ANKRD31: variants seen among roughly 807,000 people sequenced by gnomAD.
The protein encoded by ANKRD31 is ankyrin repeat domain 31, also known as ankyrin repeat domain-containing protein 31.
A neutral mutation model predicts 186.0 loss-of-function variants in ANKRD31; 147 were observed. That is an observed-to-expected ratio of 0.79 (90% CI 0.69 to 0.91). The LOEUF is 0.91. Among genes scored for constraint, ANKRD31 ranks in the 40% least tolerant of loss-of-function variants. The pLI, the probability that ANKRD31 is intolerant of heterozygous loss-of-function variation, is 0.00. For synonymous variants in ANKRD31, 673 were observed against 736.4 expected (o/e 0.91, Z 1.39); for missense variants, 1,986 against 2,148.8 (o/e 0.92, Z 1.50).
At chr5:75,095,459 G>A (rs1013574008) in intron 22 of ANKRD31, among the ~76,000 whole-genome samples, 10 of 145,460 alleles carry the variant, frequency 6.9e-5, no homozygotes, top group African/African-American at 2.7e-4. Context: ...GGGCCACAGA[G>A]CGAGACTCCG....
At chr5:75,189,015 T>A (rs941003972) in intron 9 of ANKRD31, among the ~76,000 whole-genome samples, 1 of 152,114 alleles carries the variant, frequency 6.6e-6, no homozygotes, top group African/African-American at 2.4e-5. Context: ...TAGAATAATA[T>A]ATTATCAAAT....
At chr5:75,140,338 G>A (rs1005437011) in intron 15 of ANKRD31, among the ~76,000 whole-genome samples, 1 of 146,130 alleles carries the variant, frequency 6.8e-6, no homozygotes, top group Non-Finnish European at 1.5e-5. Flanking sequence ...AGGTAGGAAG[G>A]AAGGAAGGAA....
intron 12 of ANKRD31, 144 bp from the exon 13 acceptor site, chr5:75,148,772 C>T (rs939806500): frequency 9.2e-6 from 5 of 542,276 alleles, no homozygotes; most frequent in African/African-American, 3.9e-5. Flanking sequence ...TTGGCACATA[C>T]AACATTCCTA....
intron 2 of ANKRD31, among the ~76,000 whole-genome samples, chr5:75,226,100 G>A (rs1036163870): frequency 6.6e-6 from 1 of 152,210 alleles, no homozygotes; most frequent in Non-Finnish European, 1.5e-5. Flanking sequence ...GGAACGGTGG[G>A]AAGGACTGTG....
rs547580098 is a variant in ANKRD31, at chr5:75,156,149, C to T, written c.1708-1804G>A. On this transcript the variant is annotated intron_variant, in intron 11 of 25. Transcript: ENST00000506364. ...TGAACTTCTAACCTCAAGAGATCCACTCACCTCGGCCTCCCAAAGTGTTGA... is the reference window on the plus strand; with the variant it reads ...TGAACTTCTAACCTCAAGAGATCCATTCACCTCGGCCTCCCAAAGTGTTGA... Among the ~76,000 whole-genome samples, 90 of 152,280 alleles carry T rather than the reference C, an allele frequency of 5.9e-4. 1 individual carries two copies. The highest frequency in any genetic ancestry group is 2.1e-3 in the African/African-American group (86 of 41,556).
At chr5:75,194,456 T>C (rs1755322709) in intron 7 of ANKRD31, among the ~76,000 whole-genome samples, 2 of 152,146 alleles carry the variant, frequency 1.3e-5, no homozygotes, top group African/African-American at 2.4e-5. Flanking sequence ...AAAAATCCTA[T>C]GTCAGTTTTG....
intron 11 of ANKRD31, among the ~76,000 whole-genome samples, chr5:75,167,095 C>T (rs748788826): frequency 3.3e-5 from 5 of 152,092 alleles, no homozygotes; most frequent in Non-Finnish European, 7.4e-5. Flanking sequence ...TCCCCACCCT[C>T]TAGACCCCCC....
intron 9 of ANKRD31, among the ~76,000 whole-genome samples, chr5:75,192,159 C>T (rs1755158501): frequency 6.6e-6 from 1 of 152,056 alleles, no homozygotes; most frequent in Non-Finnish European, 1.5e-5. Flanking sequence ...GAAAACTTAC[C>T]TCTGATACAA....
intron 22 of ANKRD31, among the ~76,000 whole-genome samples, chr5:75,096,811 C>A (rs910062010): frequency 6.7e-6 from 1 of 148,732 alleles, no homozygotes; most frequent in African/African-American, 2.5e-5. Context: ...TATCCCTTCC[C>A]CCACCCCCAC....
At chr5:75,145,902 G>C in intron 14 of ANKRD31, 85 bp downstream of exon 14, 1 of 1,211,936 alleles carries the variant, frequency 8.3e-7, no homozygotes, top group Non-Finnish European at 1.1e-6. Flanking sequence ...TTTGGCCATC[G>C]TTTGAATACA....
chr5:75,218,057 C>T (rs1757068922), intron 3 of ANKRD31, among the ~76,000 whole-genome samples: 2 of 151,986 alleles, frequency 1.3e-5, no homozygotes, highest in Admixed American at 1.3e-4. Flanking sequence ...AGTAAAGCAA[C>T]CTCAAAGCTG....
intron 17 of ANKRD31, among the ~76,000 whole-genome samples, chr5:75,134,460 C>A (rs1442068858): frequency 6.6e-6 from 1 of 152,042 alleles, no homozygotes; most frequent in Non-Finnish European, 1.5e-5. Context: ...CAAGACTAAA[C>A]CAGGAAGAAG....
chr5:75,112,166 C>T (rs10058171), intron 20 of ANKRD31, among the ~76,000 whole-genome samples: 22,321 of 152,036 alleles, frequency 0.15, 1,733 homozygotes, highest in Non-Finnish European at 0.16. Flanking sequence ...TCTTGGCTCA[C>T]TGTAAGCTCC....
At position 75,159,237 on chromosome 5, in the gene ANKRD31, T is replaced by C. The variant is rs114685403; in HGVS notation, c.1708-4892A>G. The stretch of plus-strand genomic sequence containing the variant: ...AAATGAATAGAACATCAGAGAAATA[T>C]AGGGCACCATTAAGCACAACAACAT... On this transcript the variant is annotated intron_variant, in intron 11 of 25. Coordinates refer to ENST00000506364, the MANE Select transcript of ANKRD31 (RefSeq NM_001372053.1). Among the ~76,000 whole-genome samples, 802 of 152,098 alleles carry C rather than the reference T, an allele frequency of 5.3e-3. 9 individuals carry two copies. The highest frequency in any genetic ancestry group is 0.018 in the African/African-American group (766 of 41,524).
intron 10 of ANKRD31, among the ~76,000 whole-genome samples, chr5:75,171,993 C>T (rs1052266612): frequency 2.6e-5 from 4 of 151,778 alleles, no homozygotes; most frequent in African/African-American, 7.3e-5. Context: ...AATTATAAAT[C>T]TATAAAGATA....
At chr5:75,152,836 T>C (rs1219920855) in intron 12 of ANKRD31, among the ~76,000 whole-genome samples, 1 of 151,934 alleles carries the variant, frequency 6.6e-6, no homozygotes, top group Admixed American at 6.6e-5. Context: ...TTAGAGGGAA[T>C]AGAGTGAGTA....
chr5:75,225,224 T>C (rs1396134929), intron 2 of ANKRD31, among the ~76,000 whole-genome samples: 1 of 152,222 alleles, frequency 6.6e-6, no homozygotes, highest in East Asian at 1.9e-4. Context: ...AATATTTTCA[T>C]ATTTTGTAAT....
intron 3 of ANKRD31, among the ~76,000 whole-genome samples, chr5:75,217,028 T>C (rs746271606): frequency 7.9e-5 from 12 of 152,298 alleles, no homozygotes; most frequent in Non-Finnish European, 1.8e-4. Flanking sequence ...TGTAATATTA[T>C]GGTTTTTGAG....
chr5:75,153,203 G>A (rs867969525), intron 12 of ANKRD31, among the ~76,000 whole-genome samples: 9 of 152,060 alleles, frequency 5.9e-5, no homozygotes, highest in Non-Finnish European at 1.2e-4. Context: ...TTGTGAATTT[G>A]AAAGTGGATC....
Sources: gnomAD v4.1 joint callset for allele counts (sites outside exome capture counted in the v4.1 genomes callset) on GRCh38, gnomAD v4.1.1 for gene constraint, MANE v1.5 for transcripts, NCBI Gene and HGNC (gene_info 2026-07-23, HGNC 2026-07-21) for gene names.